The following ACTR3 variants were observed in gnomAD, a reference collection of about 807,000 sequenced individuals.
The protein encoded by ACTR3 is actin related protein 3.
ACTR3 carries 12 observed loss-of-function variants against 56.8 expected under a neutral mutation model. The observed-to-expected ratio is 0.21, with a 90% CI of 0.14 to 0.34. ACTR3 has a LOEUF of 0.34. Ranked by LOEUF, ACTR3 falls within the 10% of genes least tolerant of loss-of-function variation. The pLI is 1.00. For synonymous variants in ACTR3, 162 were observed against 167.4 expected, an observed-to-expected ratio of 0.97 and a Z score of 0.25; for missense variants, 282 against 512.5, an observed-to-expected ratio of 0.55 and a Z score of 4.34.
intron 3 of ACTR3, among the ~76,000 whole-genome samples, chr2:113,927,005 T>G (rs1486878444): frequency 6.6e-6 from 1 of 152,208 alleles, no homozygotes; most frequent in East Asian, 1.9e-4. Context: ...AAAGTATAGT[T>G]TTTTAGGCTT....
At chr2:113,938,962 C>T (rs1679876217) in intron 6 of ACTR3, among the ~76,000 whole-genome samples, 1 of 151,868 alleles carries the variant, frequency 6.6e-6, no homozygotes, top group African/African-American at 2.4e-5. Context: ...ATTTGTTTCC[C>T]TTTTCTTAGA....
chr2:113,915,647 A>G (rs1307189246), intron 2 of ACTR3, among the ~76,000 whole-genome samples: 1 of 152,194 alleles, frequency 6.6e-6, no homozygotes, highest in African/African-American at 2.4e-5. Context: ...TTTTGGTTAT[A>G]TTCGTAAATG....
intron 1 of ACTR3, among the ~76,000 whole-genome samples, chr2:113,897,779 G>A (rs184573715): frequency 6.6e-6 from 1 of 151,988 alleles, no homozygotes; most frequent in East Asian, 1.9e-4. Context: ...CACCCGTCTC[G>A]GCCAGATGTA....
At chr2:113,890,723 G>T in intron 1 of ACTR3, 6 of 1,082,980 alleles carry the variant, frequency 5.5e-6, no homozygotes, top group Non-Finnish European at 6.7e-6. Context: ...TGGGGACCCA[G>T]GGGCCGAGCT....
intron 1 of ACTR3, among the ~76,000 whole-genome samples, chr2:113,901,351 T>G (rs1679096574): frequency 6.6e-6 from 1 of 152,206 alleles, no homozygotes; most frequent in African/African-American, 2.4e-5. Flanking sequence ...AGAGCGAAAC[T>G]CTGTTTCAGC....
chr2:113,938,949 GTTAT>G (rs1482731691), intron 6 of ACTR3, among the ~76,000 whole-genome samples: 61 of 151,124 alleles, frequency 4.0e-4, no homozygotes, highest in East Asian at 1.9e-4. Flanking sequence ...TAACATTCAC[GTTAT>G]TTGTTTCCCT....
chr2:113,928,192 A>G (rs897636543), intron 4 of ACTR3, among the ~76,000 whole-genome samples: 1 of 152,180 alleles, frequency 6.6e-6, no homozygotes, highest in African/African-American at 2.4e-5. Flanking sequence ...TGGTTAAATC[A>G]ATATTCTGTG....
intron 6 of ACTR3, 187 bp downstream of exon 6, chr2:113,934,573 C>T (rs1291509728): frequency 2.5e-6 from 1 of 394,656 alleles, no homozygotes; most frequent in Middle Eastern, 6.5e-4. Flanking sequence ...GTTTCTTTTA[C>T]TGTAGGTTTG....
rs118037789 is a variant in ACTR3 at position 113,903,502 on chromosome 2, A to G, written c.45-9670A>G. Reference sequence around the variant, plus strand: ...TGCCTCAGCTTCCTGAGTAGCTGGGATTACAGGCTTACACCACCATGCTCT... The same window carrying G: ...TGCCTCAGCTTCCTGAGTAGCTGGGGTTACAGGCTTACACCACCATGCTCT... On this transcript the variant is annotated intron_variant, in intron 1 of 11. Transcript: ENST00000263238. Among the ~76,000 whole-genome samples the G allele has an allele frequency of 6.7e-5, 10 of 149,712 alleles. No individual in the cohort carries two copies. In the East Asian group the frequency reaches 2.0e-3, roughly 29 times the overall value.
At chr2:113,929,847 T>A (rs942769264) in intron 4 of ACTR3, among the ~76,000 whole-genome samples, 4 of 151,798 alleles carry the variant, frequency 2.6e-5, no homozygotes, top group African/African-American at 9.7e-5. Flanking sequence ...CCTGGCTAAC[T>A]TTTGTAATTT....
chr2:113,897,526 T>A (rs896976497), intron 1 of ACTR3, among the ~76,000 whole-genome samples: 4 of 142,254 alleles, frequency 2.8e-5, no homozygotes, highest in South Asian at 2.3e-4. Context: ...TTATTTTTTT[T>A]TTTTTTTTTT....
rs190681502 is a variant in ACTR3 at position 113,894,641 on chromosome 2, C to T, written c.44+4318C>T. 1.5e-3 allele frequency among the ~76,000 whole-genome samples: 224 copies of T among 152,250 alleles called. 1 individual carries two copies. The highest frequency in any genetic ancestry group is 2.4e-3 in the Admixed American group (37 of 15,296). On this transcript the variant is annotated intron_variant, in intron 1 of 11. Transcript: ENST00000263238. Reference sequence around the variant, plus strand: ...ACTTTGGATTGCAAATACTATATTGCGGTGAACGAACTTTCAGGCTTATTG... The same window carrying T: ...ACTTTGGATTGCAAATACTATATTGTGGTGAACGAACTTTCAGGCTTATTG...
chr2:113,936,953 A>G (rs1169340590), intron 6 of ACTR3, among the ~76,000 whole-genome samples: 2 of 152,316 alleles, frequency 1.3e-5, no homozygotes, highest in South Asian at 2.1e-4. Flanking sequence ...GATTAGAGAA[A>G]GCAACCCTAA....
In ACTR3 at chr2:113,961,484, T is replaced by C. The variant is rs1234899530; in HGVS notation, c.*4029T>C. ...TATTCTATTTTGATTTAGCAATTAC[T>C]TGTTTTCTAGTGTTCTGTCAATTTT... On this transcript the variant is annotated 3_prime_UTR_variant, in exon 12 of 12. Transcript: ENST00000263238. 1.3e-5 allele frequency: 2 copies of C among 152,046 alleles called. No homozygotes were observed. The highest frequency in any genetic ancestry group is 6.6e-5 in the Admixed American group (1 of 15,242). The allele number at this position is 152,046 out of a possible 1,614,324, so 9.4% of individuals were successfully genotyped here.
chr2:113,891,411 T>C (rs1359451412), intron 1 of ACTR3, among the ~76,000 whole-genome samples: 1 of 152,198 alleles, frequency 6.6e-6, no homozygotes, highest in Non-Finnish European at 1.5e-5. Flanking sequence ...GTTCATTTTG[T>C]ATTAATAGAC....
rs148518503 is a variant in ACTR3, at chr2:113,941,801, C to G, written c.685-385C>G. Reference sequence around the variant, plus strand: ...TCTATATTAATTTGTGTGGTTATCACAATTATTACTTATTCTTCAGTTCTG... The same window carrying G: ...TCTATATTAATTTGTGTGGTTATCAGAATTATTACTTATTCTTCAGTTCTG... On this transcript the variant is annotated intron_variant, in intron 7 of 11. Coordinates refer to ENST00000263238, the MANE Select transcript of ACTR3 (RefSeq NM_005721.5). Among the ~76,000 whole-genome samples the G allele has an allele frequency of 8.5e-5, 13 of 152,168 alleles. No individual in the cohort carries two copies. The East Asian group carries it at 2.3e-3, about 27-fold the overall frequency.
intron 2 of ACTR3, 121 bp downstream of exon 2, chr2:113,913,348 T>A: frequency 1.5e-6 from 1 of 683,960 alleles, no homozygotes; most frequent in Non-Finnish European, 2.3e-6. Flanking sequence ...AAAAACATGA[T>A]TTGCCAGGTT....
At chr2:113,891,499 G>C (rs996514) in intron 1 of ACTR3, among the ~76,000 whole-genome samples, 44,960 of 151,356 alleles carry the variant, frequency 0.3, 10,951 homozygotes, top group African/African-American at 0.67. Context: ...CACTGCTTCA[G>C]GATGACATAT....
At chr2:113,924,054 CTTTT>C (rs35658755) in intron 3 of ACTR3, among the ~76,000 whole-genome samples, 4 of 134,958 alleles carry the variant, frequency 3.0e-5, no homozygotes, top group African/African-American at 5.6e-5. Context: ...ACTTTTTTCT[CTTTT>C]TTTTTTTTTT....
Sources: gnomAD v4.1 joint callset for allele counts (sites outside exome capture counted in the v4.1 genomes callset) on GRCh38, gnomAD v4.1.1 for gene constraint, MANE v1.5 for transcripts, NCBI Gene and HGNC (gene_info 2026-07-23, HGNC 2026-07-21) for gene names.